Variants in CUL5 observed in about 807,000 individuals in gnomAD.
CUL5 encodes cullin 5.
CUL5 carries 26 observed loss-of-function variants against 108.8 expected under a neutral mutation model. That is an observed-to-expected ratio of 0.24 (90% CI 0.18 to 0.33). CUL5 has a LOEUF of 0.33. Among genes scored for constraint, CUL5 ranks in the 10% least tolerant of loss-of-function variants. The pLI is 1.00. For missense variants in CUL5, 524 were observed against 909.2 expected (o/e 0.58, Z 5.45); for synonymous variants, 334 against 298.0 (o/e 1.12, Z -1.25).
chr11:108,042,683 G>C (rs887962654), intron 2 of CUL5, among the ~76,000 whole-genome samples: 1 of 151,970 alleles, frequency 6.6e-6, no homozygotes, highest in Non-Finnish European at 1.5e-5. Context: ...CCCTTACCCT[G>C]TCCTTGAGTT....
At position 108,094,977 on chromosome 11, in the gene CUL5, C is replaced by A; in HGVS notation, c.1733C>A (p.Ser578Ter). Reference sequence around the variant, plus strand: ...AAATTACATTGGCATCATCTCATGTCAAATGGAATTGTAAGTAGATAGTGT... The same window carrying A: ...AAATTACATTGGCATCATCTCATGTAAAATGGAATTGTAAGTAGATAGTGT... ...GRKLHWHHLM[S>*]NGIITFKNEV... is the part of the protein sequence containing the mutation. The change falls in exon 15 of 19, where the codon TCA becomes TAA. Residue 578 changes from serine to a stop codon, truncating the protein, a stop_gained. Coordinates refer to ENST00000393094, the MANE Select transcript of CUL5 (RefSeq NM_003478.6). LOFTEE classifies it high-confidence loss of function. 6.2e-7 allele frequency: 1 copy of A among 1,606,972 alleles called. No individual in the cohort carries two copies. Among genetic ancestry groups the A allele is most frequent in the South Asian group, 1.1e-5 (1 of 89,500 alleles).
In CUL5 at chr11:108,056,523, A is replaced by G. The variant is rs369837207; in HGVS notation, c.780+1568A>G. Among the ~76,000 whole-genome samples the G allele has an allele frequency of 9.9e-5, 15 of 152,228 alleles. No individual in the cohort carries two copies. The East Asian group carries it at 1.2e-3, about 12-fold the overall frequency. ...CCTCTTTGGTTGAAATAGTTTTGAT[A>G]TTGGCAAAAGGAAGGATAATTTAGT... On this transcript the variant is annotated intron_variant, in intron 7 of 18. Coordinates refer to ENST00000393094, the MANE Select transcript of CUL5 (RefSeq NM_003478.6).
intron 4 of CUL5, among the ~76,000 whole-genome samples, chr11:108,051,983 T>A (rs1355864367): frequency 6.6e-6 from 1 of 152,218 alleles, no homozygotes; most frequent in Admixed American, 6.5e-5. Context: ...TTGTTTTGTT[T>A]GAAATGGGCT....
At chr11:108,094,721 T>G (rs1864446338) in intron 14 of CUL5, 91 bp from the exon 15 acceptor site, 1 of 1,058,082 alleles carries the variant, frequency 9.5e-7, no homozygotes, top group Admixed American at 2.7e-5. Context: ...CTTTATAGTC[T>G]TATTGATTTT....
chr11:108,091,623 A>G (rs1864361581), intron 13 of CUL5, among the ~76,000 whole-genome samples: 1 of 149,762 alleles, frequency 6.7e-6, no homozygotes, highest in Non-Finnish European at 1.5e-5. Context: ...TGTGAGGTGG[A>G]GGTTGCATTG....
chr11:108,103,091 C>A (rs1033501772), intron 18 of CUL5, among the ~76,000 whole-genome samples: 1 of 152,134 alleles, frequency 6.6e-6, no homozygotes, highest in Non-Finnish European at 1.5e-5. Context: ...CCACCACACC[C>A]GGCATATACA....
chr11:108,087,446 A>G (rs571296591), intron 11 of CUL5, among the ~76,000 whole-genome samples: 1 of 152,208 alleles, frequency 6.6e-6, no homozygotes, highest in Non-Finnish European at 1.5e-5. Flanking sequence ...ATTTACATAT[A>G]TTTTTAGAGA....
intron 1 of CUL5, among the ~76,000 whole-genome samples, chr11:108,011,597 A>G (rs75677895): frequency 0.012 from 1,770 of 147,404 alleles, 32 homozygotes; most frequent in African/African-American, 0.034. Flanking sequence ...CCAATGTCAT[A>G]AAAAAAACCA....
At chr11:108,104,147 A>C in intron 18 of CUL5, 43 bp from the exon 19 acceptor site, 4 of 1,253,956 alleles carry the variant, frequency 3.2e-6, no homozygotes, top group Non-Finnish European at 4.5e-6. Context: ...ACTTAAAATA[A>C]TTTCGTATAT....
chr11:108,014,938 G>A (rs1324380659), intron 1 of CUL5, among the ~76,000 whole-genome samples: 1 of 152,070 alleles, frequency 6.6e-6, no homozygotes, highest in Non-Finnish European at 1.5e-5. Context: ...TCACTCTCTT[G>A]CCCAGGCTGG....
chr11:108,014,900 T>C (rs929505391), intron 1 of CUL5, among the ~76,000 whole-genome samples: 1 of 150,628 alleles, frequency 6.6e-6, no homozygotes, highest in Non-Finnish European at 1.5e-5. Context: ...ATTATTATTA[T>C]TTTTATTTTT....
intron 2 of CUL5, among the ~76,000 whole-genome samples, chr11:108,043,361 A>G (rs973150054): frequency 6.6e-6 from 1 of 152,244 alleles, no homozygotes; most frequent in Non-Finnish European, 1.5e-5. Flanking sequence ...GACATGAGCC[A>G]ATATGCCTGG....
chr11:108,049,105 C>T (rs1426149310), intron 3 of CUL5, among the ~76,000 whole-genome samples: 2 of 152,118 alleles, frequency 1.3e-5, no homozygotes, highest in African/African-American at 2.4e-5. Flanking sequence ...ATATTTTCAT[C>T]ACCCTAAAAA....
intron 2 of CUL5, among the ~76,000 whole-genome samples, chr11:108,040,386 T>A (rs983807433): frequency 1.3e-5 from 2 of 152,024 alleles, no homozygotes; most frequent in Non-Finnish European, 2.9e-5. Context: ...CGAAGGCAGG[T>A]GGATCACCTG....
chr11:108,075,379 C>A (rs1223871773), intron 10 of CUL5, among the ~76,000 whole-genome samples: 2 of 152,114 alleles, frequency 1.3e-5, no homozygotes, highest in Non-Finnish European at 2.9e-5. Context: ...CTGCCACTTG[C>A]ATAGGCAACA....
chr11:108,073,342 G>C (rs995279040), intron 9 of CUL5, 48 bp from the exon 10 acceptor site: 7 of 808,712 alleles, frequency 8.7e-6, no homozygotes, highest in Non-Finnish European at 1.4e-5. Context: ...ATTTTTTTGT[G>C]TTATTCTTTT....
intron 8 of CUL5, among the ~76,000 whole-genome samples, chr11:108,070,829 C>CTAG (rs577352610): frequency 7.8e-4 from 119 of 152,200 alleles, no homozygotes; most frequent in Non-Finnish European, 1.4e-3. Flanking sequence ...TGTTTAATCT[C>CTAG]TAGTTGCATT....
intron 7 of CUL5, among the ~76,000 whole-genome samples, chr11:108,058,388 A>G (rs1031811054): frequency 6.7e-6 from 1 of 149,784 alleles, no homozygotes; most frequent in Non-Finnish European, 1.5e-5. Context: ...AGCTGGGACT[A>G]CAGGTGCCCA....
intron 1 of CUL5, among the ~76,000 whole-genome samples, chr11:108,019,188 C>T (rs1862271283): frequency 1.1e-5 from 1 of 88,308 alleles, no homozygotes; most frequent in South Asian, 3.5e-4. Flanking sequence ...GTTTTGGTAT[C>T]CCGATGGGTG....
Sources: allele counts gnomAD v4.1 joint callset (sites outside exome capture counted in the v4.1 genomes callset), GRCh38; gene constraint gnomAD v4.1.1; transcripts MANE v1.5; gene names NCBI Gene and HGNC (gene_info 2026-07-23, HGNC 2026-07-21).